Variants in FGF13 observed in about 807,000 individuals in gnomAD.
FGF13 encodes the protein fibroblast growth factor homologous factor 2.
In FGF13, 2 loss-of-function variants were observed where a neutral mutation model predicts 19.5. The observed-to-expected ratio is 0.10, with a 90% CI of 0.04 to 0.32. The LOEUF (loss-of-function observed/expected upper bound fraction) is 0.32, where lower values mean the gene tolerates loss of function less well. Ranked by LOEUF, FGF13 falls within the 10% of genes least tolerant of loss-of-function variation. The pLI is 1.00. For missense variants in FGF13, 113 were observed against 192.7 expected (o/e 0.59, Z 2.45); for synonymous variants, 72 against 76.9 (o/e 0.94, Z 0.33).
At chrX:139,160,552 A>C (rs779076325) in intron 1 of FGF13, among the ~76,000 whole-genome samples, 1 of 111,814 alleles carries the variant, frequency 8.9e-6, no homozygotes, top group Non-Finnish European at 1.9e-5. Flanking sequence ...GGAATCCAGG[A>C]GCTGATTTTT....
chrX:139,160,527 C>T (rs1043245978), intron 1 of FGF13, among the ~76,000 whole-genome samples: 7 of 110,650 alleles, frequency 6.3e-5, no homozygotes, highest in East Asian at 2.8e-4. Flanking sequence ...ATGAAAAGAC[C>T]GTTAAAAAAA....
intron 1 of FGF13, among the ~76,000 whole-genome samples, chrX:139,002,284 C>A (rs748813918): frequency 9.0e-6 from 1 of 110,773 alleles, no homozygotes; most frequent in Non-Finnish European, 1.9e-5. Flanking sequence ...CACATGTATA[C>A]CTATGTAAAC....
chrX:139,014,191 TAAAG>T (rs2092143533), intron 1 of FGF13, among the ~76,000 whole-genome samples: 1 of 111,349 alleles, frequency 9.0e-6, no homozygotes, highest in South Asian at 3.7e-4. Context: ...TGATGCATCT[TAAAG>T]AACTTGAAAA....
chrX:138,799,577 A>C (rs1193550774), intron 3 of FGF13, among the ~76,000 whole-genome samples: 3 of 111,139 alleles, frequency 2.7e-5, no homozygotes, highest in Non-Finnish European at 5.7e-5. Flanking sequence ...CTATTAGGTC[A>C]GCTTGGTCCA....
At chrX:139,158,759 T>G (rs974634040) in intron 1 of FGF13, among the ~76,000 whole-genome samples, 1 of 110,777 alleles carries the variant, frequency 9.0e-6, no homozygotes, top group African/African-American at 3.3e-5. Context: ...AAATAAAGCA[T>G]GAAGAGAAGA....
At chrX:138,698,242 T>C (rs1265909970) in intron 3 of FGF13, among the ~76,000 whole-genome samples, 1 of 110,638 alleles carries the variant, frequency 9.0e-6, no homozygotes, top group Non-Finnish European at 1.9e-5. Context: ...AATAACAATG[T>C]GGAGGTGTCG....
rs949058218 is a variant in FGF13, at chrX:138,624,312, C to T, written c.*8538G>A. 1.8e-5 allele frequency: 2 copies of T among 111,673 alleles called. No homozygotes were observed. Among genetic ancestry groups the T allele is most frequent in the Non-Finnish European group, 3.8e-5 (2 of 53,209 alleles). The allele number at this position is 111,673 out of a possible 1,213,427, so 9.2% of individuals were successfully genotyped here. A position where few individuals can be genotyped will look rare whatever the true frequency, so the allele number is the denominator to read the frequency against. Reference sequence around the variant, plus strand: ...AAATCTTCAACAAAGGCACTAAAAACACATCATGGGGAAATATAGTCCATT... The same window carrying T: ...AAATCTTCAACAAAGGCACTAAAAATACATCATGGGGAAATATAGTCCATT... On this transcript the variant is annotated 3_prime_UTR_variant, in exon 5 of 5. Coordinates refer to ENST00000315930, the MANE Select transcript of FGF13 (RefSeq NM_004114.5).
chrX:138,868,633 G>A (rs1046288445), intron 1 of FGF13, among the ~76,000 whole-genome samples: 1 of 110,580 alleles, frequency 9.0e-6, no homozygotes, highest in Non-Finnish European at 1.9e-5. Context: ...AAGCTCAGAG[G>A]ACTGAGGTTT....
intron 1 of FGF13, among the ~76,000 whole-genome samples, chrX:139,193,828 C>A (rs1050890034): frequency 9.1e-6 from 1 of 110,435 alleles, no homozygotes; most frequent in African/African-American, 3.3e-5. Context: ...TTTCTATAAG[C>A]CAACCACCCA....
At chrX:138,767,773 G>C (rs1257061665) in intron 3 of FGF13, among the ~76,000 whole-genome samples, 1 of 112,197 alleles carries the variant, frequency 8.9e-6, no homozygotes, top group African/African-American at 3.2e-5. Context: ...TGTGACCTTG[G>C]TCAGGGCATT....
At chrX:138,773,788 T>C (rs1411082090) in intron 3 of FGF13, among the ~76,000 whole-genome samples, 1 of 112,149 alleles carries the variant, frequency 8.9e-6, no homozygotes, top group East Asian at 2.8e-4. Context: ...ATCAACCAAG[T>C]ATCCACAGAA....
intron 1 of FGF13, among the ~76,000 whole-genome samples, chrX:139,167,583 G>T (rs1297687295): frequency 8.9e-6 from 1 of 111,758 alleles, no homozygotes; most frequent in Non-Finnish European, 1.9e-5. Context: ...TAAATACATG[G>T]CCAGGTGTCA....
chrX:138,709,639 AT>A (rs1329286963), intron 1 of FGF13, among the ~76,000 whole-genome samples: 1 of 112,418 alleles, frequency 8.9e-6, no homozygotes. Flanking sequence ...ATTATCAAAA[AT>A]ATGAGTTCTT....
chrX:139,112,971 A>AGTGTGTGTGT (rs748975156), intron 1 of FGF13, among the ~76,000 whole-genome samples: 13 of 87,754 alleles, frequency 1.5e-4, no homozygotes, highest in East Asian at 3.8e-4. Context: ...TTGATTATGT[A>AGTGTGTGTGT]GTGTGTGTGT....
chrX:138,896,349 C>T (rs765077908), intron 1 of FGF13, among the ~76,000 whole-genome samples: 1 of 111,411 alleles, frequency 9.0e-6, no homozygotes, highest in African/African-American at 3.3e-5. Context: ...GAGATAAATA[C>T]TATGATAGGG....
In FGF13 at chrX:138,622,684, C is replaced by A. The variant is rs1602628812; in HGVS notation, c.*10166G>T. The A allele has an allele frequency of 8.9e-6, 1 of 112,046 alleles. No homozygotes were observed. The highest frequency in any genetic ancestry group is 3.2e-5 in the African/African-American group (1 of 30,900). 9.2% of individuals were successfully genotyped at this position (112,046 alleles called of 1,213,427 possible). On this transcript the variant is annotated 3_prime_UTR_variant, in exon 5 of 5. Transcript: ENST00000315930. ...AATGGTCTGTTTCAAATCACATGCT[C>A]TTCAATACAGAAACCCAATGACTCC...
At chrX:138,922,920 A>G (rs2124246158) in intron 1 of FGF13, among the ~76,000 whole-genome samples, 1 of 112,062 alleles carries the variant, frequency 8.9e-6, no homozygotes, top group South Asian at 3.7e-4. Context: ...CAAACAGTCC[A>G]TATATATTTG....
chrX:138,713,364 T>C (rs2090072569), upstream of FGF13, among the ~76,000 whole-genome samples: 2 of 112,071 alleles, frequency 1.8e-5, no homozygotes, highest in African/African-American at 6.5e-5. Context: ...CCAGATACCA[T>C]GAAGGGAAAT....
intron 3 of FGF13, among the ~76,000 whole-genome samples, chrX:138,636,409 C>T (rs1481274786): frequency 8.9e-6 from 1 of 111,810 alleles, no homozygotes; most frequent in African/African-American, 3.3e-5. Context: ...TTACTTTAGA[C>T]TGGATTTTTC....
Sources: gnomAD v4.1 joint callset for allele counts (sites outside exome capture counted in the v4.1 genomes callset) on GRCh38, gnomAD v4.1.1 for gene constraint, MANE v1.5 for transcripts, NCBI Gene and HGNC (gene_info 2026-07-23, HGNC 2026-07-21) for gene names.